Variants in AP2A2 observed in about 807,000 individuals in gnomAD.
The protein encoded by AP2A2 is adaptor related protein complex 2 subunit alpha 2.
AP2A2 carries 32 observed loss-of-function variants against 104.2 expected under a neutral mutation model. That is an observed-to-expected ratio of 0.31 (90% CI 0.23 to 0.41). The LOEUF (loss-of-function observed/expected upper bound fraction) is 0.41, where lower values mean the gene tolerates loss of function less well. Among genes scored for constraint, AP2A2 ranks in the 10% least tolerant of loss-of-function variants. The pLI is 1.00. For missense variants in AP2A2, 912 were observed against 1,261.0 expected (o/e 0.72, Z 4.19); for synonymous variants, 539 against 533.3 (o/e 1.01, Z -0.15).
In AP2A2 at chr11:926,035, C is replaced by A. The variant is rs1212089500; in HGVS notation, c.14C>A (p.Ser5Tyr). 7.2e-7 allele frequency: 1 copy of A among 1,397,098 alleles called. No homozygotes were observed. Among genetic ancestry groups the A allele is most frequent in the East Asian group, 3.1e-5 (1 of 32,496 alleles). The allele number at this position is 1,397,098 out of a possible 1,614,324, so 86.5% of individuals were successfully genotyped here. A position where few individuals can be genotyped will look rare whatever the true frequency, so the allele number is the denominator to read the frequency against. The part of the protein sequence containing the change: MPAV[S>Y]KGDGMRGLAV... The stretch of plus-strand genomic sequence containing the variant: ...GAGCGTCGGAAGATGCCGGCCGTGT[C>A]CAAGGGGGACGGGATGCGGGGCCTG... The change falls in exon 1 of 22, where the codon TCC becomes TAC. Residue 5 changes from serine to tyrosine, a missense_variant. Physicochemically the swap from Ser to Tyr is moderately radical, Grantham distance 144. Coordinates refer to ENST00000448903, the MANE Select transcript of AP2A2 (RefSeq NM_012305.4).
At position 993,859 on chromosome 11, in the gene AP2A2, G is replaced by C. The variant is rs757703015; in HGVS notation, c.1656G>C (p.Pro552=). 6.2e-7 allele frequency: 1 copy of C among 1,609,652 alleles called. No homozygotes were observed. The highest frequency in any genetic ancestry group is 1.7e-5 in the Admixed American group (1 of 59,934). Reference sequence around the variant, plus strand: ...ACATCAAGTTCGTGAACCTCTTCCCGGAGGTGAAGCCCACCATCCAGGACG... The same window carrying C: ...ACATCAAGTTCGTGAACCTCTTCCCCGAGGTGAAGCCCACCATCCAGGACG... The part of the protein sequence containing the change: ...STYIKFVNLF[P]EVKPTIQDVL... Residue 552 remains proline (P), a synonymous_variant, in exon 13 of 22, where the codon CCG becomes CCC. Coordinates refer to ENST00000448903, the MANE Select transcript of AP2A2 (RefSeq NM_012305.4). This position sits in a 1 kb window ranked among gnomAD's most constrained non-coding sequence, Gnocchi z 8.2.
intron 16 of AP2A2, 83 bp from the exon 17 acceptor site, chr11:1,006,445 T>G (rs1387398376): frequency 9.5e-6 from 9 of 942,654 alleles, no homozygotes; most frequent in East Asian, 2.4e-5. Flanking sequence ...CTGAAGATTG[T>G]GGGGGGCTCT....
At position 993,013 on chromosome 11, in the gene AP2A2, C is replaced by G. The variant is rs1252403546; in HGVS notation, c.1453-271C>G. ...GTTAGGCCACCGGCAAGGGGTGTGC[C>G]ATGAGGACGCTGGCAGAACCTCCCC... On this transcript the variant is annotated intron_variant, in intron 11 of 21. Transcript: ENST00000448903. The surrounding 1 kb of genome is among the most constrained non-coding windows in gnomAD (Gnocchi z 8.2). Among the ~76,000 whole-genome samples, 3 of 152,196 alleles carry G rather than the reference C, an allele frequency of 2.0e-5. No individual in the cohort carries two copies. Among genetic ancestry groups the G allele is most frequent in the Non-Finnish European group, 2.9e-5 (2 of 68,024 alleles).
At chr11:943,584 C>T (rs1853728279) in intron 1 of AP2A2, among the ~76,000 whole-genome samples, 1 of 152,164 alleles carries the variant, frequency 6.6e-6, no homozygotes, top group Non-Finnish European at 1.5e-5. Flanking sequence ...CCCTTAATGC[C>T]AGCTTCTCTG....
chr11:995,070 C>G (rs777745078), intron 14 of AP2A2, among the ~76,000 whole-genome samples: 3 of 152,228 alleles, frequency 2.0e-5, no homozygotes, highest in Non-Finnish European at 4.4e-5. Context: ...GCCTGCTGGG[C>G]AAGGCACTTC....
chr11:988,616 G>A lies in AP2A2; in HGVS notation c.1196G>A (p.Ser399Asn). ...CTCCTCTACGCCATGTGCGACCGCA[G>A]CAACGCCCCACAGATCGTGGCCGAG... ...VDLLYAMCDR[S>N]NAPQIVAEML... The change falls in exon 10 of 22, where the codon AGC (serine) becomes AAC (asparagine). Residue 399 changes from serine to asparagine, a missense_variant. Ser to Asn is a conservative substitution (Grantham distance 46). Coordinates refer to ENST00000448903, the MANE Select transcript of AP2A2 (RefSeq NM_012305.4). 1 of 1,613,604 alleles carries A rather than the reference G, an allele frequency of 6.2e-7. No individual in the cohort carries two copies.
rs1854714153 is a variant in AP2A2, at chr11:968,801, G to A, written c.137-1368G>A. Among the ~76,000 whole-genome samples the A allele has an allele frequency of 6.6e-6, 1 of 152,062 alleles. No homozygotes were observed. The highest frequency in any genetic ancestry group is 6.6e-5 in the Admixed American group (1 of 15,260). ...AGTGGGTCGGGGCCGGGGGAGGGAG[G>A]AACCAGGTCGGGTCTGCTTTTATTT... On this transcript the variant is annotated intron_variant, in intron 2 of 21. Transcript: ENST00000448903. The surrounding 1 kb of genome is among the most constrained non-coding windows in gnomAD (Gnocchi z 4.2).
At chr11:1,009,489 A>T (rs563266365) in intron 20 of AP2A2, 92 bp downstream of exon 20, 3 of 1,266,636 alleles carry the variant, frequency 2.4e-6, no homozygotes, top group African/African-American at 1.7e-5. Flanking sequence ...CACGCAGCCC[A>T]TGACCCCGCG....
At chr11:928,108 C>T (rs1433786255) in intron 1 of AP2A2, among the ~76,000 whole-genome samples, 1 of 152,306 alleles carries the variant, frequency 6.6e-6, no homozygotes, top group African/African-American at 2.4e-5. Flanking sequence ...TTGTCTGTGC[C>T]AGGGCCTGCG....
intron 15 of AP2A2, among the ~76,000 whole-genome samples, chr11:1,000,879 G>T (rs1223286463): frequency 6.6e-6 from 1 of 152,226 alleles, no homozygotes; most frequent in East Asian, 1.9e-4. Context: ...CTGTCTGCAC[G>T]GTGATGTCCG....
rs1474429134 is a variant in AP2A2, at chr11:968,014, C to T, written c.137-2155C>T. Among the ~76,000 whole-genome samples the T allele has an allele frequency of 6.6e-6, 1 of 152,174 alleles. No individual in the cohort carries two copies. Among genetic ancestry groups the T allele is most frequent in the Non-Finnish European group, 1.5e-5 (1 of 68,026 alleles). On this transcript the variant is annotated intron_variant, in intron 2 of 21. Coordinates refer to ENST00000448903, the MANE Select transcript of AP2A2 (RefSeq NM_012305.4). This position sits in a 1 kb window ranked among gnomAD's most constrained non-coding sequence, Gnocchi z 4.2. ...TCAGGAGGGATAAACTTCACAGTGG[C>T]ACCTGCCAGGGGAGCTGGCGGGCTC...
intron 3 of AP2A2, among the ~76,000 whole-genome samples, chr11:971,721 G>C (rs1293494960): frequency 2.0e-5 from 3 of 152,186 alleles, no homozygotes; most frequent in South Asian, 2.1e-4. Context: ...TTAACTTGAG[G>C]ATAGTGTGAT....
chr11:975,530 T>C (rs1294478660), intron 4 of AP2A2, among the ~76,000 whole-genome samples: 3 of 95,046 alleles, frequency 3.2e-5, no homozygotes, highest in African/African-American at 1.3e-4. Context: ...GAGCCGACAT[T>C]AGTGAGTAGC....
intron 1 of AP2A2, among the ~76,000 whole-genome samples, 196 bp downstream of exon 1, chr11:926,284 G>A (rs1261293993): frequency 6.9e-6 from 1 of 144,514 alleles, no homozygotes; most frequent in Non-Finnish European, 1.5e-5. Flanking sequence ...TGCGGGGTGG[G>A]GGTCCAGGGT....
intron 6 of AP2A2, among the ~76,000 whole-genome samples, chr11:981,680 C>G (rs1176341790): frequency 1.3e-5 from 2 of 152,254 alleles, no homozygotes; most frequent in African/African-American, 4.8e-5. Flanking sequence ...TTGTTTTGCT[C>G]AACATGGTAA....
At position 981,291 on chromosome 11, in the gene AP2A2, C is replaced by T. The variant is rs887488249; in HGVS notation, c.697C>T (p.Leu233=). Residue 233 remains leucine (L), a synonymous_variant, in exon 6 of 22, where the codon CTA becomes TTA. Transcript: ENST00000448903. ...KTSVSLAVSR[L]SRIVTSASTD... ...CTCCGTGTCTCTGGCTGTCTCTAGG[C>T]TAAGCAGAGTAAGTCTGTTCGTGGG... The T allele has an allele frequency of 7.4e-6, 12 of 1,610,920 alleles. No homozygotes were observed. Among genetic ancestry groups the T allele is most frequent in the Non-Finnish European group, 9.3e-6 (11 of 1,177,798 alleles).
chr11:984,422 G>A (rs941290264), intron 6 of AP2A2, among the ~76,000 whole-genome samples: 3 of 152,206 alleles, frequency 2.0e-5, no homozygotes, highest in African/African-American at 4.8e-5. Context: ...TGTACCGAGC[G>A]AGGGCTGCCA....
At chr11:926,662 T>G (rs928527779) in intron 1 of AP2A2, among the ~76,000 whole-genome samples, 1 of 152,198 alleles carries the variant, frequency 6.6e-6, no homozygotes, top group Non-Finnish European at 1.5e-5. Flanking sequence ...TGACCTGGGT[T>G]CTGGAGGCTT....
rs370283708 is a variant in AP2A2 at position 993,240 on chromosome 11, C to G, written c.1453-44C>G. ...AGGACGTGCCCGCCTCGCCTTAACT[C>G]TGGCACCTGGCTGCCACCCCGGCTC... is the stretch of plus-strand genomic sequence containing the variant. On this transcript the variant is annotated intron_variant, in intron 11 of 21. Transcript: ENST00000448903. The surrounding 1 kb of genome is among the most constrained non-coding windows in gnomAD (Gnocchi z 8.2). The G allele has an allele frequency of 2.0e-6, 3 of 1,530,888 alleles. No homozygotes were observed. The highest frequency in any genetic ancestry group is 2.7e-6 in the Non-Finnish European group (3 of 1,128,914). 94.8% of individuals were successfully genotyped at this position (1,530,888 alleles called of 1,614,324 possible).
Sources: gnomAD v4.1 joint callset for allele counts (sites outside exome capture counted in the v4.1 genomes callset) on GRCh38, gnomAD v4.1.1 for gene constraint, Gnocchi (gnomAD v3.1) non-coding constraint, MANE v1.5 for transcripts, NCBI Gene and HGNC (gene_info 2026-07-23, HGNC 2026-07-21) for gene names.